PTPRK: variants seen among roughly 807,000 people sequenced by gnomAD.
PTPRK encodes receptor-type tyrosine-protein phosphatase kappa.
In PTPRK, 75 loss-of-function variants were observed where a neutral mutation model predicts 178.0. The observed-to-expected ratio is 0.42, with a 90% CI of 0.35 to 0.51. PTPRK has a LOEUF of 0.51. Among genes scored for constraint, PTPRK ranks in the 20% least tolerant of loss-of-function variants. The pLI is 0.02. For missense variants in PTPRK, 1,441 were observed against 1,797.8 expected (o/e 0.80, Z 3.59); for synonymous variants, 637 against 620.6 (o/e 1.03, Z -0.39).
chr6:128,081,473 G>C (rs756625134), intron 10 of PTPRK, among the ~76,000 whole-genome samples: 1 of 151,798 alleles, frequency 6.6e-6, no homozygotes, highest in Non-Finnish European at 1.5e-5. Context: ...AATTTGGAAA[G>C]TACATGTCTT....
At chr6:128,302,363 G>A (rs896508125) in intron 3 of PTPRK, among the ~76,000 whole-genome samples, 1 of 134,638 alleles carries the variant, frequency 7.4e-6, no homozygotes, top group East Asian at 2.2e-4. Flanking sequence ...CTGCACTCCA[G>A]CCTGGGCGAC....
In PTPRK at chr6:128,184,627, T is replaced by C. The variant is rs371948278; in HGVS notation, c.967A>G (p.Ile323Val). 50 of 1,613,948 alleles carry C rather than the reference T, an allele frequency of 3.1e-5. No homozygotes were observed. The highest frequency in any genetic ancestry group is 4.0e-5 in the Non-Finnish European group (47 of 1,179,970). The change falls in exon 7 of 30, where the codon ATC becomes GTC. Residue 323 changes from isoleucine (I) to valine (V), a missense_variant. Ile to Val is a conservative substitution (Grantham distance 29). Transcript: ENST00000368226. ...CGGTACTCTACTTCTTTCAGGATGA[T>C]AGGACCATCGCCAATGATCGAGTTG... ...NANSIIGDGP[I>V]ILKEVEYRMT...
intron 7 of PTPRK, among the ~76,000 whole-genome samples, chr6:128,095,582 C>T (rs1230466954): frequency 1.3e-5 from 2 of 152,126 alleles, no homozygotes; most frequent in African/African-American, 4.8e-5. Flanking sequence ...CCCTTGGACA[C>T]CCCATCAATC....
At chr6:128,461,795 T>C (rs1291376102) in intron 1 of PTPRK, among the ~76,000 whole-genome samples, 1 of 152,058 alleles carries the variant, frequency 6.6e-6, no homozygotes, top group Non-Finnish European at 1.5e-5. Context: ...CCACTTCCCA[T>C]CTCTGCAGAT....
chr6:128,283,288 C>G (rs1421704539), intron 3 of PTPRK, among the ~76,000 whole-genome samples: 4 of 152,122 alleles, frequency 2.6e-5, no homozygotes, highest in Non-Finnish European at 1.5e-5. Flanking sequence ...AGCAGAAGCT[C>G]TGAAATAGAG....
intron 1 of PTPRK, among the ~76,000 whole-genome samples, chr6:128,480,900 C>T (rs1256268803): frequency 5.9e-5 from 9 of 152,136 alleles, no homozygotes. Context: ...ATTAAAAATA[C>T]TTTCACTGCT....
In PTPRK at chr6:127,969,467, T is replaced by G. The variant is rs1773674343; in HGVS notation, c.*760A>C. The stretch of plus-strand genomic sequence containing the variant: ...TATGAATAAAAAGTTTATCTTCTAC[T>G]TACACTAAAACATACAAAAAATAAT... On this transcript the variant is annotated 3_prime_UTR_variant, in exon 30 of 30. Coordinates refer to ENST00000368226, the MANE Select transcript of PTPRK (RefSeq NM_002844.4). The G allele has an allele frequency of 6.6e-6, 1 of 152,124 alleles. No homozygotes were observed. Among genetic ancestry groups the G allele is most frequent in the African/African-American group, 2.4e-5 (1 of 41,422 alleles). The allele number at this position is 152,124 out of a possible 1,614,324, so 9.4% of individuals were successfully genotyped here.
rs72983951 is a variant in PTPRK at position 128,120,959 on chromosome 6, G to T, written c.1163-30967C>A. ...TATTACCTTTTTTTCCTTCAGAATT[G>T]GAAGAGAAAAAAATAATTTTAGAAA... On this transcript the variant is annotated intron_variant, in intron 7 of 29. Transcript: ENST00000368226. 4.9e-3 allele frequency among the ~76,000 whole-genome samples: 744 copies of T among 151,680 alleles called. 2 individuals are homozygous for T. Among genetic ancestry groups the T allele is most frequent in the Non-Finnish European group, 8.9e-3 (600 of 67,702 alleles).
intron 7 of PTPRK, among the ~76,000 whole-genome samples, chr6:128,104,261 C>G (rs1437667536): frequency 2.6e-5 from 4 of 152,178 alleles, no homozygotes; most frequent in African/African-American, 2.4e-5. Context: ...GAGTCTCACT[C>G]TGTCACCCAG....
chr6:127,972,678 A>G (rs1366258934), intron 29 of PTPRK, among the ~76,000 whole-genome samples: 1 of 152,218 alleles, frequency 6.6e-6, no homozygotes, highest in Non-Finnish European at 1.5e-5. Context: ...GATGAAACCT[A>G]TATCCCTTAG....
At chr6:128,496,810 C>CATT (rs1486054967) in intron 1 of PTPRK, among the ~76,000 whole-genome samples, 2 of 152,186 alleles carry the variant, frequency 1.3e-5, no homozygotes, top group Non-Finnish European at 2.9e-5. Context: ...TGTAATGTGA[C>CATT]ATTTTCAGGT....
At chr6:128,354,709 C>A (rs1227644145) in intron 2 of PTPRK, among the ~76,000 whole-genome samples, 2 of 152,194 alleles carry the variant, frequency 1.3e-5, no homozygotes, top group African/African-American at 4.8e-5. Context: ...TCATCCAATT[C>A]TTATGACAGT....
intron 5 of PTPRK, among the ~76,000 whole-genome samples, chr6:128,219,430 C>T (rs1809990882): frequency 6.6e-6 from 1 of 152,178 alleles, no homozygotes. Flanking sequence ...ATTCACAGTT[C>T]ACAGTAGAGT....
intron 7 of PTPRK, among the ~76,000 whole-genome samples, chr6:128,093,216 CT>C (rs973833710): frequency 3.3e-5 from 5 of 151,860 alleles, no homozygotes; most frequent in Non-Finnish European, 7.4e-5. Context: ...TATAACATTT[CT>C]TTTTTTGTTG....
intron 4 of PTPRK, 90 bp from the exon 5 acceptor site, chr6:128,240,240 G>A (rs1814158291): frequency 1.0e-6 from 1 of 983,630 alleles, no homozygotes; most frequent in African/African-American, 1.6e-5. Flanking sequence ...TATCATTAGT[G>A]TTTTTACCTT....
At chr6:128,147,975 T>G (rs985819439) in intron 7 of PTPRK, among the ~76,000 whole-genome samples, 2 of 151,774 alleles carry the variant, frequency 1.3e-5, no homozygotes, top group Admixed American at 6.6e-5. Flanking sequence ...TGTATGATAG[T>G]AATGTGATGG....
chr6:128,145,673 A>T (rs951981439), intron 7 of PTPRK, among the ~76,000 whole-genome samples: 4 of 149,274 alleles, frequency 2.7e-5, no homozygotes, highest in Non-Finnish European at 5.9e-5. Flanking sequence ...AAAATGATCA[A>T]AAAAGATTAC....
chr6:128,440,967 T>C (rs915527781), intron 1 of PTPRK, among the ~76,000 whole-genome samples: 9 of 152,156 alleles, frequency 5.9e-5, no homozygotes, highest in African/African-American at 9.7e-5. Context: ...ATTTGATGGA[T>C]GCTGCTAAAT....
At chr6:128,123,090 T>C (rs1347808570) in intron 7 of PTPRK, among the ~76,000 whole-genome samples, 3 of 152,160 alleles carry the variant, frequency 2.0e-5, no homozygotes, top group Admixed American at 6.5e-5. Flanking sequence ...ATGATGAATA[T>C]CCTTTTAAGA....
Sources: gnomAD v4.1 joint callset for allele counts (sites outside exome capture counted in the v4.1 genomes callset) on GRCh38, gnomAD v4.1.1 for gene constraint, MANE v1.5 for transcripts, NCBI Gene and HGNC (gene_info 2026-07-23, HGNC 2026-07-21) for gene names.